The following ZNF45 variants were observed in gnomAD, a reference collection of about 807,000 sequenced individuals.
ZNF45 encodes BRC1744.
ZNF45 carries 4 observed loss-of-function variants against 12.0 expected under a neutral mutation model. The ratio of observed to expected loss-of-function variants is 0.33; its 90% CI spans 0.16 to 0.76. ZNF45 has a LOEUF of 0.76. ZNF45 is among the 30% of genes least tolerant of loss of function. The pLI, the probability that ZNF45 is intolerant of heterozygous loss-of-function variation, is 0.60. For synonymous variants in ZNF45, 272 were observed against 279.6 expected (o/e 0.97, Z 0.27); for missense variants, 700 against 813.0 (o/e 0.86, Z 1.69).
chr19:43,919,668 A>G lies in ZNF45; in HGVS notation c.47T>C (p.Val16Ala), dbSNP rs1972970972. Reference sequence around the variant, plus strand: ...CAGTTGCAGCTCCTCCTCAGAGAAGACCACAGCCACGTCCTTGAATGTCAC... The same window carrying G: ...CAGTTGCAGCTCCTCCTCAGAGAAGGCCACAGCCACGTCCTTGAATGTCAC... ...EAVTFKDVAV[V>A]FSEEELQLLD... The change falls in exon 8 of 10, where the codon GTC (valine) becomes GCC (alanine). Residue 16 changes from valine to alanine, a missense_variant. Physicochemically the swap from Val to Ala is moderately conservative, Grantham distance 64. Transcript: ENST00000269973. 1 of 1,612,832 alleles carries G rather than the reference A, an allele frequency of 6.2e-7. No homozygotes were observed. The highest frequency in any genetic ancestry group is 8.5e-7 in the Non-Finnish European group (1 of 1,179,200).
At position 43,919,678 on chromosome 19, in the gene ZNF45, C is replaced by T. The variant is rs781449514; in HGVS notation, c.37G>A (p.Val13Met). 2.5e-6 allele frequency: 4 copies of T among 1,612,062 alleles called. No individual in the cohort carries two copies. The highest frequency in any genetic ancestry group is 3.4e-6 in the Non-Finnish European group (4 of 1,178,800). Residue 13 changes from valine to methionine, a missense_variant, in exon 8 of 10, where the codon GTG (valine) becomes ATG (methionine). Physicochemically the swap from Val to Met is conservative, Grantham distance 21. Transcript: ENST00000269973. ...KSKEAVTFKD[V>M]AVVFSEEELQ... is the part of the protein sequence containing the mutation. ...TCCTCCTCAGAGAAGACCACAGCCA[C>T]GTCCTTGAATGTCACTGCCTCCTAC...
In ZNF45 at chr19:43,914,441, T is replaced by C; in HGVS notation, c.995A>G (p.Tyr332Cys). ...HERIHTGEKP[Y>C]KCNACGKSFS... ...GCTCTTGCCACATGCATTGCATTTG[T>C]ATGGTTTCTCGCCAGTGTGGATTCG... Residue 332 changes from tyrosine to cysteine, a missense_variant, in exon 10 of 10, where the codon TAC (tyrosine) becomes TGC (cysteine). By Grantham distance (194) the Tyr-to-Cys change is radical. Coordinates refer to ENST00000269973, the MANE Select transcript of ZNF45 (RefSeq NM_003425.4). 1.2e-6 allele frequency: 2 copies of C among 1,610,730 alleles called. No individual in the cohort carries two copies. Among genetic ancestry groups the C allele is most frequent in the South Asian group, 1.1e-5 (1 of 90,628 alleles).
Position 43,914,047 on chromosome 19 carries a change from T to C in ZNF45, c.1389A>G (p.Gln463=), listed in dbSNP as rs772893728. 3.7e-6 allele frequency: 6 copies of C among 1,612,366 alleles called. No individual in the cohort carries two copies. In the Admixed American group the frequency reaches 5.0e-5, roughly 13 times the overall value. The change falls in exon 10 of 10, where the codon CAA becomes CAG. Residue 463 remains glutamine (Q), a synonymous_variant. Coordinates refer to ENST00000269973, the MANE Select transcript of ZNF45 (RefSeq NM_003425.4). ...FSQASNLLAH[Q]RGHTGEKPYK... is the part of the protein sequence containing the mutation. ...AGGGTTTCTCTCCAGTGTGGCCTCT[T>C]TGATGGGCCAGAAGATTTGAGGCCT...
In ZNF45 at chr19:43,931,014, G is replaced by A. The variant is rs183807011; in HGVS notation, c.-400+1590C>T. Among the ~76,000 whole-genome samples, 831 of 151,276 alleles carry A rather than the reference G, an allele frequency of 5.5e-3. 7 individuals are homozygous for A. Among genetic ancestry groups the A allele is most frequent in the African/African-American group, 0.019 (796 of 41,138 alleles). On this transcript the variant is annotated intron_variant, in intron 3 of 9. Transcript: ENST00000269973. The stretch of plus-strand genomic sequence containing the variant: ...CGTTTCAGGTGCTCAATAATCACAT[G>A]CGGCTAATGGCTACACTATTGGATA...
intron 9 of ZNF45, among the ~76,000 whole-genome samples, chr19:43,917,469 CA>C (rs1387845513): frequency 6.7e-6 from 1 of 150,110 alleles, no homozygotes; most frequent in Non-Finnish European, 1.5e-5. Context: ...ATATACTTTG[CA>C]AGTTTTCACT....
chr19:43,913,470 TAA>T lies in ZNF45; in HGVS notation c.1964_1965del (p.Leu655HisfsTer9). ...TCAGCATGGACTCGCTGATGAATGATAAGACTTGAGCTCCAACTGAAGCCCTT... is the reference window on the plus strand; with the variant it reads ...TCAGCATGGACTCGCTGATGAATGATGACTTGAGCTCCAACTGAAGCCCTT... ...CGKGFSWSSS[L>X]IIHQRVHADD... On this transcript the variant is annotated frameshift_variant, in exon 10 of 10. Coordinates refer to ENST00000269973, the MANE Select transcript of ZNF45 (RefSeq NM_003425.4). LOFTEE classifies it low-confidence loss of function (END_TRUNC). The T allele has an allele frequency of 6.2e-7, 1 of 1,611,590 alleles. No homozygotes were observed. Among genetic ancestry groups the T allele is most frequent in the South Asian group, 1.1e-5 (1 of 90,724 alleles).
Position 43,914,867 on chromosome 19 carries a change from T to C in ZNF45, c.569A>G (p.Lys190Arg), listed in dbSNP as rs763226958. The C allele has an allele frequency of 2.5e-6, 4 of 1,613,440 alleles. No homozygotes were observed. Among genetic ancestry groups the C allele is most frequent in the Non-Finnish European group, 3.4e-6 (4 of 1,179,380 alleles). The part of the protein sequence containing the change: ...QINQRAHAGE[K>R]PYKCEKCDNA... The stretch of plus-strand genomic sequence containing the variant: ...ATCACATTTTTCACATTTGTAGGGC[T>C]TCTCTCCTGCATGAGCCCTTTGGTT... The change falls in exon 10 of 10, where the codon AAG becomes AGG. Residue 190 changes from lysine (K) to arginine (R), a missense_variant. Lys to Arg is a conservative substitution (Grantham distance 26, BLOSUM62 2). Coordinates refer to ENST00000269973, the MANE Select transcript of ZNF45 (RefSeq NM_003425.4).
At chr19:43,927,598 TAAAG>T (rs778509939) in intron 3 of ZNF45, among the ~76,000 whole-genome samples, 5 of 151,878 alleles carry the variant, frequency 3.3e-5, no homozygotes, top group Non-Finnish European at 7.4e-5. Context: ...GGTAAAGAAA[TAAAG>T]AGATGAAAGG....
chr19:43,914,794 G>A lies in ZNF45; in HGVS notation c.642C>T (p.His214=). Residue 214 remains histidine (H), a synonymous_variant, in exon 10 of 10, where the codon CAC becomes CAT. Coordinates refer to ENST00000269973, the MANE Select transcript of ZNF45 (RefSeq NM_003425.4). ...CATTTGTGTATGATTTTGCTCTACT[G>A]TGGACTCTCTGATGGGCTTGAAGAC... ...FSSLQAHQRV[H]SRAKSYTNDA... is the part of the protein sequence containing the mutation. The A allele has an allele frequency of 1.9e-6, 3 of 1,614,048 alleles. No individual in the cohort carries two copies. The highest frequency in any genetic ancestry group is 2.5e-6 in the Non-Finnish European group (3 of 1,179,960).
At chr19:43,924,955 C>T (rs1488001985) in intron 4 of ZNF45, among the ~76,000 whole-genome samples, 2 of 152,134 alleles carry the variant, frequency 1.3e-5, no homozygotes, top group Non-Finnish European at 2.9e-5. Flanking sequence ...GTCAGGGAGC[C>T]CCTCCCTTGC....
chr19:43,933,018 C>T (rs976874701), intron 2 of ZNF45, among the ~76,000 whole-genome samples: 20 of 152,302 alleles, frequency 1.3e-4, no homozygotes, highest in Non-Finnish European at 2.4e-4. Flanking sequence ...AGGGGAGAGG[C>T]CTTACAAGCC....
intron 6 of ZNF45, 143 bp from the exon 7 acceptor site, chr19:43,922,360 G>A (rs1458530538): frequency 5.2e-6 from 3 of 578,248 alleles, no homozygotes; most frequent in Non-Finnish European, 6.0e-6. Context: ...GGGCTGGCTT[G>A]ATGAACAGAA....
At chr19:43,918,748 A>G (rs1972887370) in intron 9 of ZNF45, 122 bp downstream of exon 9, 3 of 708,698 alleles carry the variant, frequency 4.2e-6, no homozygotes, top group Non-Finnish European at 4.8e-6. Flanking sequence ...ATTAGATTAG[A>G]TATTCATCAG....
At chr19:43,933,439 G>A (rs1416686908) in intron 2 of ZNF45, among the ~76,000 whole-genome samples, 1 of 152,012 alleles carries the variant, frequency 6.6e-6, no homozygotes, top group African/African-American at 2.4e-5. Flanking sequence ...GGGCAACAGA[G>A]CAAGATTCCA....
rs388685 is a variant in ZNF45 at position 43,914,528 on chromosome 19, G to C, written c.908C>G (p.Pro303Arg). 776,405 of 1,612,876 alleles carry C rather than the reference G, an allele frequency of 0.48. 191,180 individuals are homozygous for C. Among genetic ancestry groups the C allele is most frequent in the East Asian group, 0.6 (26,731 of 44,846 alleles). ...CTTCCCACACTCTTCACACTTATAT[G>C]GTTTCTTTCCAGTGTGAACTTTCAG... Reference protein sequence around the residue: ...VHLKVHTGKKPYKCEECGKSF... With the variant: ...VHLKVHTGKKRYKCEECGKSF... Residue 303 changes from proline (P) to arginine (R), a missense_variant, in exon 10 of 10, where the codon CCA becomes CGA. Transcript: ENST00000269973.
rs1568447656 is a variant in ZNF45 at position 43,914,390 on chromosome 19, A to G, written c.1046T>C (p.Ile349Thr). The change falls in exon 10 of 10, where the codon ATT (isoleucine) becomes ACT (threonine). Residue 349 changes from isoleucine to threonine, a missense_variant. Physicochemically the swap from Ile to Thr is moderately conservative, Grantham distance 89. Coordinates refer to ENST00000269973, the MANE Select transcript of ZNF45 (RefSeq NM_003425.4). Reference protein sequence around the residue: ...KSFSYSSHLNIHCRIHTGEKP... With the variant: ...KSFSYSSHLNTHCRIHTGEKP... ...CTCTCCTGTGTGGATTCTACAATGA[A>G]TATTAAGGTGTGAGCTGTAACTAAA... The G allele has an allele frequency of 1.2e-6, 2 of 1,610,554 alleles. No homozygotes were observed. Among genetic ancestry groups the G allele is most frequent in the Admixed American group, 3.3e-5 (2 of 59,778 alleles).
intron 3 of ZNF45, chr19:43,930,121 C>T (rs1192049283): frequency 6.6e-6 from 1 of 152,206 alleles, no homozygotes; most frequent in Non-Finnish European, 1.5e-5. Context: ...GCTGTGTTCT[C>T]ACGTGGCAGA....
Position 43,914,603 on chromosome 19 carries a change from C to T in ZNF45, c.833G>A (p.Cys278Tyr), listed in dbSNP as rs1257642165. The T allele has an allele frequency of 6.2e-7, 1 of 1,613,522 alleles. No individual in the cohort carries two copies. Among genetic ancestry groups the T allele is most frequent in the African/African-American group, 1.3e-5 (1 of 74,918 alleles). The change falls in exon 10 of 10, where the codon TGT (cysteine) becomes TAT (tyrosine). Residue 278 changes from cysteine to tyrosine, a missense_variant. Physicochemically the swap from Cys to Tyr is radical, Grantham distance 194. Coordinates refer to ENST00000269973, the MANE Select transcript of ZNF45 (RefSeq NM_003425.4). ...ACTGAAGCCCACCCCACACTCCTCA[C>T]ATTTATAGGGTTTCTCTCCCGTATG... ...IVHTGEKPYKCEECGVGFSQR... is the reference protein window; with the variant it reads ...IVHTGEKPYKYEECGVGFSQR...
At chr19:43,918,181 A>G (rs1972843988) in intron 9 of ZNF45, among the ~76,000 whole-genome samples, 1 of 152,194 alleles carries the variant, frequency 6.6e-6, no homozygotes, top group Non-Finnish European at 1.5e-5. Flanking sequence ...CCTTGTGTAA[A>G]GTGTTTTTGG....
Sources: gnomAD v4.1 joint callset for allele counts (sites outside exome capture counted in the v4.1 genomes callset) on GRCh38, gnomAD v4.1.1 for gene constraint, MANE v1.5 for transcripts, NCBI Gene and HGNC (gene_info 2026-07-23, HGNC 2026-07-21) for gene names.